The following SHC4 variants were observed in gnomAD, a reference collection of about 807,000 sequenced individuals.
The protein encoded by SHC4 is SHC adaptor protein 4, also known as SHC-transforming protein 4.
In SHC4, 41 loss-of-function variants were observed where a neutral mutation model predicts 69.4. That is an observed-to-expected ratio of 0.59 (90% CI 0.46 to 0.77). The LOEUF (loss-of-function observed/expected upper bound fraction) is 0.77, where lower values mean the gene tolerates loss of function less well. Ranked by LOEUF, SHC4 falls within the 30% of genes least tolerant of loss-of-function variation. The pLI, the probability that SHC4 is intolerant of heterozygous loss-of-function variation, is 0.00. For synonymous variants in SHC4, 318 were observed against 299.3 expected (o/e 1.06, Z -0.64); for missense variants, 777 against 783.8 (o/e 0.99, Z 0.10).
chr15:48,946,865 A>T (rs1433451427), intron 1 of SHC4, among the ~76,000 whole-genome samples: 1 of 152,244 alleles, frequency 6.6e-6, no homozygotes, highest in African/African-American at 2.4e-5. Flanking sequence ...TGAACAGCAG[A>T]TATCTATTTC....
intron 2 of SHC4, among the ~76,000 whole-genome samples, chr15:48,901,174 G>A (rs1235436015): frequency 6.6e-6 from 1 of 152,166 alleles, no homozygotes; most frequent in Non-Finnish European, 1.5e-5. Flanking sequence ...CTGACAAGGT[G>A]GCAAAATCGA....
chr15:48,867,058 C>A (rs571984238), intron 6 of SHC4, among the ~76,000 whole-genome samples: 2 of 152,064 alleles, frequency 1.3e-5, no homozygotes, highest in Non-Finnish European at 1.5e-5. Context: ...GGAACAACAG[C>A]GAGTAAGAGA....
intron 1 of SHC4, among the ~76,000 whole-genome samples, chr15:48,936,497 C>CT (rs1008662815): frequency 6.6e-6 from 1 of 152,102 alleles, no homozygotes; most frequent in African/African-American, 2.4e-5. Context: ...TGGAGAGAGT[C>CT]TCCATTGTCT....
At chr15:48,940,422 G>T (rs8032731) in intron 1 of SHC4, among the ~76,000 whole-genome samples, 2,861 of 152,254 alleles carry the variant, frequency 0.019, 80 homozygotes, top group African/African-American at 0.066. Flanking sequence ...TACCTAGGAT[G>T]TCGAGTTTCA....
At chr15:48,958,441 C>T (rs1901488894) in intron 1 of SHC4, among the ~76,000 whole-genome samples, 1 of 152,144 alleles carries the variant, frequency 6.6e-6, no homozygotes, top group African/African-American at 2.4e-5. Context: ...TCTCAGTGTC[C>T]TCACCTGGAG....
chr15:48,824,852 C>A lies in SHC4; in HGVS notation c.*1119G>T, dbSNP rs991570943. On this transcript the variant is annotated 3_prime_UTR_variant, in exon 12 of 12. Coordinates refer to ENST00000332408, the MANE Select transcript of SHC4 (RefSeq NM_203349.4). Reference sequence around the variant, plus strand: ...AGACTCAGCGTAATGCTTTTCTGTACACCATGCTTAATCACTCTGTTAGTT... The same window carrying A: ...AGACTCAGCGTAATGCTTTTCTGTAAACCATGCTTAATCACTCTGTTAGTT... 2.0e-5 allele frequency: 3 copies of A among 152,600 alleles called. No individual in the cohort carries two copies. Among genetic ancestry groups the A allele is most frequent in the African/African-American group, 7.2e-5 (3 of 41,446 alleles). 9.5% of individuals were successfully genotyped at this position (152,600 alleles called of 1,614,324 possible). A position where few individuals can be genotyped will look rare whatever the true frequency, so the allele number is the denominator to read the frequency against.
rs534829189 is a variant in SHC4 at position 48,962,938 on chromosome 15, G to A, written c.78C>T (p.His26=). The change falls in exon 1 of 12, where the codon CAC becomes CAT. Residue 26 remains histidine (H), a synonymous_variant. Transcript: ENST00000332408. ...TCCGAAAGCGGCTGTACTTGGCCCT[G>A]TGCAGCATCCCGGGGTGCCCGAAGA... ...VGLFGHPGML[H]RAKYSRFRNE... The A allele has an allele frequency of 3.7e-6, 6 of 1,613,264 alleles. No homozygotes were observed. In the South Asian group the frequency reaches 5.5e-5, roughly 15 times the overall value.
chr15:48,913,949 G>A (rs1412214311), intron 2 of SHC4, among the ~76,000 whole-genome samples: 2 of 152,192 alleles, frequency 1.3e-5, no homozygotes, highest in Admixed American at 6.5e-5. Context: ...CACAGTTTTG[G>A]GGGTTCTCCT....
At chr15:48,872,857 C>A (rs1899711896) in intron 4 of SHC4, among the ~76,000 whole-genome samples, 1 of 152,180 alleles carries the variant, frequency 6.6e-6, no homozygotes, top group Non-Finnish European at 1.5e-5. Flanking sequence ...AGTGTAATGA[C>A]CATTTGCAGA....
In SHC4 at chr15:48,938,017, T is replaced by C. The variant is rs555312786; in HGVS notation, c.586-13068A>G. 5.8e-4 allele frequency among the ~76,000 whole-genome samples: 89 copies of C among 152,348 alleles called. 1 individual carries two copies. The highest frequency in any genetic ancestry group is 2.0e-3 in the African/African-American group (83 of 41,586). On this transcript the variant is annotated intron_variant, in intron 1 of 11. Transcript: ENST00000332408. ...TGCGGGGAGGAGCAAGTGTTGGCAC[T>C]GTAGCCAAGCCTCCTAAGAGACTTT...
At chr15:48,949,304 G>C (rs1340732804) in intron 1 of SHC4, among the ~76,000 whole-genome samples, 2 of 151,206 alleles carry the variant, frequency 1.3e-5, no homozygotes, top group Non-Finnish European at 2.9e-5. Context: ...CCAGGATGCA[G>C]AGCTTGCAGT....
At chr15:48,954,859 A>C (rs758688857) in intron 1 of SHC4, among the ~76,000 whole-genome samples, 1 of 152,192 alleles carries the variant, frequency 6.6e-6, no homozygotes, top group Admixed American at 6.5e-5. Flanking sequence ...AGCCTTGTAC[A>C]TACAGTTTGT....
intron 9 of SHC4, among the ~76,000 whole-genome samples, chr15:48,848,642 G>T (rs1042696280): frequency 6.6e-6 from 1 of 152,052 alleles, no homozygotes; most frequent in African/African-American, 2.4e-5. Context: ...TCTTATAGTG[G>T]CTTAGGGAAA....
chr15:48,904,796 G>GCC (rs1284008967), intron 2 of SHC4, among the ~76,000 whole-genome samples: 2 of 151,978 alleles, frequency 1.3e-5, no homozygotes, highest in Non-Finnish European at 2.9e-5. Context: ...TGAGGCAGGA[G>GCC]GATCACTTGA....
At chr15:48,942,899 G>A (rs1347541685) in intron 1 of SHC4, among the ~76,000 whole-genome samples, 1 of 152,168 alleles carries the variant, frequency 6.6e-6, no homozygotes, top group African/African-American at 2.4e-5. Context: ...GCATTCATGA[G>A]TACATCAATG....
intron 4 of SHC4, among the ~76,000 whole-genome samples, chr15:48,873,515 C>T (rs1370505467): frequency 3.9e-5 from 6 of 152,246 alleles, no homozygotes; most frequent in East Asian, 1.9e-4. Context: ...GAGGCCGTGG[C>T]GGGCGGATCA....
chr15:48,879,400 A>C (rs1899895446), intron 4 of SHC4: 1 of 167,136 alleles, frequency 6.0e-6, no homozygotes, highest in Non-Finnish European at 1.5e-5. Flanking sequence ...TCTATAAATC[A>C]AGAAAATCCA....
At chr15:48,945,155 A>G (rs1033368782) in intron 1 of SHC4, among the ~76,000 whole-genome samples, 5 of 152,200 alleles carry the variant, frequency 3.3e-5, no homozygotes, top group African/African-American at 1.2e-4. Flanking sequence ...AGACAGACTC[A>G]CTCTGAAAAG....
At chr15:48,943,478 C>A (rs145014049) in intron 1 of SHC4, among the ~76,000 whole-genome samples, 2 of 152,200 alleles carry the variant, frequency 1.3e-5, no homozygotes, top group East Asian at 3.9e-4. Flanking sequence ...ATATATACCA[C>A]AATTTCTTTA....
Sources: allele counts gnomAD v4.1 joint callset (sites outside exome capture counted in the v4.1 genomes callset), GRCh38; gene constraint gnomAD v4.1.1; transcripts MANE v1.5; gene names NCBI Gene and HGNC (gene_info 2026-07-23, HGNC 2026-07-21).